Variants in FMN1 observed in about 807,000 individuals in gnomAD.
The protein encoded by FMN1 is formin-1.
In FMN1, 110 loss-of-function variants were observed where a neutral mutation model predicts 132.4. The observed-to-expected ratio is 0.83, with a 90% CI of 0.71 to 0.97. The LOEUF is 0.97. FMN1 is among the 50% of genes least tolerant of loss of function. The pLI, the probability that FMN1 is intolerant of heterozygous loss-of-function variation, is 0.00. For synonymous variants in FMN1, 722 were observed against 651.7 expected (o/e 1.11, Z -1.64); for missense variants, 1,792 against 1,705.3 (o/e 1.05, Z -0.90).
At chr15:32,870,263 G>A (rs2059485232) in intron 16 of FMN1, among the ~76,000 whole-genome samples, 1 of 152,102 alleles carries the variant, frequency 6.6e-6, no homozygotes, top group Non-Finnish European at 1.5e-5. Context: ...ATTCTCTAGG[G>A]CTACTTTGAT....
chr15:33,008,084 T>A lies in FMN1; in HGVS notation c.2162-9A>T, dbSNP rs1173443139. 1 of 1,585,692 alleles carries A rather than the reference T, an allele frequency of 6.3e-7. No homozygotes were observed. Among genetic ancestry groups the A allele is most frequent in the African/African-American group, 1.3e-5 (1 of 74,408 alleles). On this transcript the variant is annotated splice_polypyrimidine_tract_variant and intron_variant, in intron 6 of 20. Coordinates refer to ENST00000616417, the MANE Select transcript of FMN1 (RefSeq NM_001277313.2). ...AATAGCAGCTTGGTATTCTGTAAAA[T>A]CAAAAAAGAGGCCAATTATAAAGAA...
chr15:33,121,049 A>G (rs1463194536), intron 4 of FMN1, among the ~76,000 whole-genome samples: 1 of 152,180 alleles, frequency 6.6e-6, no homozygotes, highest in Non-Finnish European at 1.5e-5. Flanking sequence ...TAACCCAAAA[A>G]TGTAAACTGG....
intron 4 of FMN1, among the ~76,000 whole-genome samples, chr15:33,128,300 T>C (rs1419936253): frequency 1.3e-5 from 2 of 152,208 alleles, no homozygotes; most frequent in South Asian, 4.1e-4. Flanking sequence ...TGAACATGGC[T>C]GCTGACTAGG....
rs114736130 is a variant in FMN1 at position 32,834,438 on chromosome 15, C to T, written c.3928+22577G>A. 4.1e-3 allele frequency among the ~76,000 whole-genome samples: 623 copies of T among 152,232 alleles called. 1 individual carries two copies. Among genetic ancestry groups the T allele is most frequent in the Non-Finnish European group, 7.6e-3 (519 of 68,018 alleles). On this transcript the variant is annotated intron_variant, in intron 17 of 20. Transcript: ENST00000616417. The stretch of plus-strand genomic sequence containing the variant: ...CCCTACGTTAGCTCTGTTCCCTTGC[C>T]CTTTCACATTTCAAGCTGCCTCAAG...
chr15:32,826,391 A>G (rs150722730), intron 17 of FMN1, among the ~76,000 whole-genome samples: 9 of 152,332 alleles, frequency 5.9e-5, no homozygotes, highest in African/African-American at 1.7e-4. Flanking sequence ...TCCCTGGGGG[A>G]AAAACGCTGC....
At position 32,900,124 on chromosome 15, in the gene FMN1, TC is replaced by T; in HGVS notation, c.3508del (p.Asp1170ThrfsTer5). The stretch of plus-strand genomic sequence containing the variant: ...CTTCACGCTCTTCACGTGCAGCAAG[TC>T]CTGTGATGGCAAACACCAGTTATTA... ...KVEIITRASK[D>X]LLHVKSVKDI... is the part of the protein sequence containing the mutation. On this transcript the variant is annotated frameshift_variant and splice_region_variant, in exon 14 of 21. Transcript: ENST00000616417. LOFTEE classifies it high-confidence loss of function. 3 of 1,613,644 alleles carry T rather than the reference TC, an allele frequency of 1.9e-6. No individual in the cohort carries two copies. The highest frequency in any genetic ancestry group is 2.5e-6 in the Non-Finnish European group (3 of 1,179,838).
At chr15:32,935,413 A>C (rs1033786183) in intron 9 of FMN1, among the ~76,000 whole-genome samples, 1 of 151,892 alleles carries the variant, frequency 6.6e-6, no homozygotes, top group African/African-American at 2.4e-5. Flanking sequence ...TTAACTTTTG[A>C]CAGTTTGATT....
rs57431208 is a variant in FMN1, at chr15:32,994,280, G to A, written c.2223+13734C>T. 4.2e-3 allele frequency among the ~76,000 whole-genome samples: 635 copies of A among 149,684 alleles called. 5 individuals are homozygous for A. Among genetic ancestry groups the A allele is most frequent in the African/African-American group, 0.015 (607 of 40,696 alleles). ...CACACACACACGTAACCTGGGTCTC[G>A]ATATAAATTACATTGCTTATTCTGG... On this transcript the variant is annotated intron_variant, in intron 7 of 20. Coordinates refer to ENST00000616417, the MANE Select transcript of FMN1 (RefSeq NM_001277313.2).
chr15:33,094,395 C>CA (rs2039005499), intron 4 of FMN1, among the ~76,000 whole-genome samples: 1 of 152,174 alleles, frequency 6.6e-6, no homozygotes, highest in Non-Finnish European at 1.5e-5. Flanking sequence ...TCCAACATCA[C>CA]ACAGTCATGT....
At chr15:32,804,816 C>T (rs770589430) in intron 17 of FMN1, among the ~76,000 whole-genome samples, 7 of 152,102 alleles carry the variant, frequency 4.6e-5, no homozygotes, top group Admixed American at 2.6e-4. Context: ...TGGCTTCATC[C>T]GTGTCCCTGC....
chr15:33,023,066 A>G (rs1433443756), intron 6 of FMN1, among the ~76,000 whole-genome samples: 3 of 75,304 alleles, frequency 4.0e-5, no homozygotes, highest in Non-Finnish European at 6.1e-5. Flanking sequence ...ACCCAAAAAA[A>G]AAAAAAAAAA....
intron 4 of FMN1, among the ~76,000 whole-genome samples, chr15:33,097,712 C>T (rs1032960016): frequency 6.6e-6 from 1 of 152,128 alleles, no homozygotes; most frequent in African/African-American, 2.4e-5. Flanking sequence ...ACATAACATG[C>T]CTACATTTTC....
intron 15 of FMN1, among the ~76,000 whole-genome samples, chr15:32,890,252 T>C (rs2059994910): frequency 6.6e-6 from 1 of 152,194 alleles, no homozygotes; most frequent in East Asian, 1.9e-4. Flanking sequence ...AGTATCTTTT[T>C]CATATAATGA....
chr15:33,121,089 T>G (rs755372119), intron 4 of FMN1, among the ~76,000 whole-genome samples: 39 of 151,826 alleles, frequency 2.6e-4, no homozygotes, highest in Non-Finnish European at 5.3e-4. Context: ...AGATGAAAGG[T>G]TGGCTAGATG....
At chr15:32,941,195 T>C (rs2140441044) in intron 9 of FMN1, among the ~76,000 whole-genome samples, 1 of 152,312 alleles carries the variant, frequency 6.6e-6, no homozygotes, top group Non-Finnish European at 1.5e-5. Flanking sequence ...TTATTCCATG[T>C]AGGTTCTTGG....
At chr15:32,870,748 G>T (rs1324297866) in intron 16 of FMN1, among the ~76,000 whole-genome samples, 1 of 152,152 alleles carries the variant, frequency 6.6e-6, no homozygotes, top group Non-Finnish European at 1.5e-5. Flanking sequence ...GATTGGGCAT[G>T]ATTTGATTTA....
chr15:33,113,974 G>A (rs952707301), intron 4 of FMN1, among the ~76,000 whole-genome samples: 1 of 152,168 alleles, frequency 6.6e-6, no homozygotes, highest in Non-Finnish European at 1.5e-5. Context: ...CTTAGCTCAG[G>A]AATTGCTCTA....
chr15:32,779,700 A>C (rs2056602155), intron 19 of FMN1, among the ~76,000 whole-genome samples: 1 of 152,190 alleles, frequency 6.6e-6, no homozygotes, highest in African/African-American at 2.4e-5. Context: ...TTGGGTACTT[A>C]ATCTGTACCA....
At chr15:32,941,342 G>A (rs968105636) in intron 9 of FMN1, among the ~76,000 whole-genome samples, 6 of 152,154 alleles carry the variant, frequency 3.9e-5, no homozygotes, top group African/African-American at 1.4e-4. Flanking sequence ...TTAACACTTA[G>A]CACTGAAGAA....
Sources: gnomAD v4.1 joint callset for allele counts (sites outside exome capture counted in the v4.1 genomes callset) on GRCh38, gnomAD v4.1.1 for gene constraint, MANE v1.5 for transcripts, NCBI Gene and HGNC (gene_info 2026-07-23, HGNC 2026-07-21) for gene names.